The following NRG1 variants were observed in gnomAD, a reference collection of about 807,000 sequenced individuals.
The protein encoded by NRG1 is neuregulin 1, also known as pro-neuregulin-1, membrane-bound isoform.
Under a neutral mutation model 63.8 loss-of-function variants are expected in NRG1, and 18 were observed. That is an observed-to-expected ratio of 0.28 (90% CI 0.19 to 0.42). The LOEUF (loss-of-function observed/expected upper bound fraction) is 0.42, where lower values mean the gene tolerates loss of function less well. NRG1 is among the 10% of genes least tolerant of loss of function. The pLI is 1.00. For missense variants in NRG1, 762 were observed against 814.7 expected (o/e 0.94, Z 0.79); for synonymous variants, 302 against 301.3 (o/e 1.00, Z -0.02).
intron 1 of NRG1, among the ~76,000 whole-genome samples, chr8:32,498,772 A>G (rs559632889): frequency 1.3e-5 from 2 of 152,296 alleles, no homozygotes; most frequent in South Asian, 4.1e-4. Context: ...AACATGGGTC[A>G]CTTTTTTCTT....
intron 1 of NRG1, among the ~76,000 whole-genome samples, chr8:32,317,383 A>G (rs1408915699): frequency 2.6e-5 from 4 of 152,176 alleles, no homozygotes; most frequent in African/African-American, 9.6e-5. Flanking sequence ...TTTTTAGAAA[A>G]TATGTTTCTT....
chr8:31,926,544 C>T (rs1688370392), intron 1 of NRG1, among the ~76,000 whole-genome samples: 2 of 152,082 alleles, frequency 1.3e-5, no homozygotes, highest in South Asian at 2.1e-4. Flanking sequence ...AGAGATTAGG[C>T]ATTGGAATAA....
intron 5 of NRG1, among the ~76,000 whole-genome samples, chr8:32,670,649 T>C (rs1470760270): frequency 1.3e-5 from 2 of 152,216 alleles, no homozygotes; most frequent in African/African-American, 4.8e-5. Context: ...TTAAATTTGT[T>C]TGGGTAGCAT....
At chr8:32,751,487 A>T (rs1490546594) in intron 7 of NRG1, among the ~76,000 whole-genome samples, 1 of 152,154 alleles carries the variant, frequency 6.6e-6, no homozygotes, top group African/African-American at 2.4e-5. Flanking sequence ...TAATATGGGG[A>T]AAAAAGAGGT....
chr8:31,695,283 C>T (rs923893362), intron 1 of NRG1, among the ~76,000 whole-genome samples: 18 of 152,184 alleles, frequency 1.2e-4, no homozygotes, highest in African/African-American at 4.1e-4. Context: ...GATTCTTATG[C>T]CTCAGCCTCC....
intron 1 of NRG1, among the ~76,000 whole-genome samples, chr8:31,885,990 C>G (rs1280399369): frequency 6.6e-6 from 1 of 151,994 alleles, no homozygotes; most frequent in Non-Finnish European, 1.5e-5. Context: ...TTAAGGGAAA[C>G]AAGAAACAAA....
intron 1 of NRG1, among the ~76,000 whole-genome samples, chr8:31,641,308 G>C (rs867064876): frequency 6.0e-5 from 9 of 151,012 alleles, no homozygotes; most frequent in African/African-American, 1.9e-4. Context: ...TAATATGTGA[G>C]AATTATAAAG....
chr8:32,203,175 T>G (rs1204736329), intron 1 of NRG1, among the ~76,000 whole-genome samples: 1 of 149,368 alleles, frequency 6.7e-6, no homozygotes. Flanking sequence ...TTGGGGAACT[T>G]TAAGCAAGCC....
At chr8:31,971,665 T>A (rs920872956) in intron 1 of NRG1, among the ~76,000 whole-genome samples, 5 of 152,142 alleles carry the variant, frequency 3.3e-5, no homozygotes, top group Non-Finnish European at 7.3e-5. Context: ...ATTCACCATG[T>A]TTTTATGTAC....
At chr8:31,949,158 T>C (rs999242741) in intron 1 of NRG1, among the ~76,000 whole-genome samples, 1 of 152,222 alleles carries the variant, frequency 6.6e-6, no homozygotes, top group Non-Finnish European at 1.5e-5. Flanking sequence ...TGTCAGGCAG[T>C]GTGCTAAGCA....
At chr8:32,372,138 G>A (rs1332348521) in intron 1 of NRG1, among the ~76,000 whole-genome samples, 1 of 151,804 alleles carries the variant, frequency 6.6e-6, no homozygotes, top group African/African-American at 2.4e-5. Flanking sequence ...ATAGGCATGT[G>A]CCACCATGCC....
chr8:32,046,570 A>G (rs1821034257), intron 1 of NRG1, among the ~76,000 whole-genome samples: 1 of 152,134 alleles, frequency 6.6e-6, no homozygotes. Flanking sequence ...GGTGAATAGA[A>G]AAACAAACTG....
chr8:31,991,218 C>T (rs538345079), intron 1 of NRG1, among the ~76,000 whole-genome samples: 1 of 151,928 alleles, frequency 6.6e-6, no homozygotes, highest in South Asian at 2.1e-4. Context: ...AACAAAGTCC[C>T]CCTCCTACCT....
At chr8:32,761,041 G>A in intron 11 of NRG1, 1 of 961,646 alleles carries the variant, frequency 1.0e-6, no homozygotes, top group Non-Finnish European at 1.2e-6. Context: ...CCTTCAAGAT[G>A]GCCCTTTATT....
Position 31,812,267 on chromosome 8 carries a change from G to A in NRG1, c.37+172836G>A, listed in dbSNP as rs117163382. Among the ~76,000 whole-genome samples the A allele has an allele frequency of 7.4e-4, 113 of 152,252 alleles. 2 individuals carry two copies. In the Middle Eastern group the frequency reaches 0.01, roughly 14 times the overall value. On this transcript the variant is annotated intron_variant, in intron 1 of 10. Coordinates refer to the NRG1 transcript ENST00000519301. ...GATTTCAAATGCTAGCCTGTATGAG[G>A]GTCCCTTGGAGGGCTTCTTAAAATA...
At chr8:32,156,713 T>G (rs939394566) in intron 1 of NRG1, among the ~76,000 whole-genome samples, 6 of 152,212 alleles carry the variant, frequency 3.9e-5, no homozygotes, top group African/African-American at 7.2e-5. Context: ...TCAGAATTCT[T>G]TTTTAAAAGT....
chr8:31,854,906 A>C (rs540881033), intron 1 of NRG1, among the ~76,000 whole-genome samples: 1 of 152,104 alleles, frequency 6.6e-6, no homozygotes, highest in Non-Finnish European at 1.5e-5. Flanking sequence ...TTCAGTTTCC[A>C]TGTAGCTGAG....
At chr8:31,907,240 G>A (rs1361863812) in intron 1 of NRG1, among the ~76,000 whole-genome samples, 1 of 152,002 alleles carries the variant, frequency 6.6e-6, no homozygotes, top group East Asian at 1.9e-4. Context: ...TGCCACAGGA[G>A]GATCCAGCCT....
intron 1 of NRG1, among the ~76,000 whole-genome samples, chr8:32,467,853 T>C (rs1168627776): frequency 6.6e-6 from 1 of 152,204 alleles, no homozygotes; most frequent in Non-Finnish European, 1.5e-5. Flanking sequence ...GTTCTTGGTA[T>C]AGGCCAGCTT....
Sources: allele counts gnomAD v4.1 joint callset (sites outside exome capture counted in the v4.1 genomes callset), GRCh38; gene constraint gnomAD v4.1.1; transcripts MANE v1.5; gene names NCBI Gene and HGNC (gene_info 2026-07-23, HGNC 2026-07-21).